Variants in SMAP1 observed in about 807,000 individuals in gnomAD.
SMAP1 encodes small ArfGAP 1.
Under a neutral mutation model 58.5 loss-of-function variants are expected in SMAP1, and 24 were observed. That is an observed-to-expected ratio of 0.41 (90% CI 0.30 to 0.58). SMAP1 has a LOEUF of 0.58. Among genes scored for constraint, SMAP1 ranks in the 20% least tolerant of loss-of-function variants. The pLI is 0.29. For missense variants in SMAP1, 563 were observed against 566.3 expected, an observed-to-expected ratio of 0.99 and a Z score of 0.06; for synonymous variants, 216 against 196.6, an observed-to-expected ratio of 1.10 and a Z score of -0.82.
At chr6:70,826,506 G>A (rs1318911991) in intron 6 of SMAP1, among the ~76,000 whole-genome samples, 1 of 151,984 alleles carries the variant, frequency 6.6e-6, no homozygotes, top group Non-Finnish European at 1.5e-5. Flanking sequence ...TCTCACACCT[G>A]TAATCCTAGC....
At chr6:70,841,013 C>T (rs117234195) in intron 7 of SMAP1, among the ~76,000 whole-genome samples, 3,565 of 152,226 alleles carry the variant, frequency 0.023, 52 homozygotes, top group Non-Finnish European at 0.037. Flanking sequence ...AGTGTCTATT[C>T]TTTGTTGTTT....
intron 1 of SMAP1, among the ~76,000 whole-genome samples, chr6:70,698,081 A>G (rs1260984104): frequency 3.3e-5 from 5 of 152,192 alleles, no homozygotes; most frequent in Non-Finnish European, 5.9e-5. Context: ...CATTTCTTAT[A>G]GGACATGTCT....
At chr6:70,702,212 TG>T (rs367809929) in intron 1 of SMAP1, among the ~76,000 whole-genome samples, 3,559 of 151,168 alleles carry the variant, frequency 0.024, 50 homozygotes, top group Non-Finnish European at 0.037. Flanking sequence ...GTTTCTTTTT[TG>T]GGGGGGGTTC....
At chr6:70,817,135 TA>T (rs1435829600) in intron 6 of SMAP1, among the ~76,000 whole-genome samples, 1,746 of 146,154 alleles carry the variant, frequency 0.012, 28 homozygotes, top group African/African-American at 0.041. Flanking sequence ...TATATATATA[TA>T]TATTTTTTTT....
intron 1 of SMAP1, among the ~76,000 whole-genome samples, chr6:70,728,659 A>G (rs951775602): frequency 5.3e-5 from 8 of 152,240 alleles, no homozygotes; most frequent in African/African-American, 1.4e-4. Context: ...GTAGATGCCT[A>G]TTGTGGCACA....
chr6:70,685,181 G>A (rs1189572725), intron 1 of SMAP1, among the ~76,000 whole-genome samples: 4 of 151,740 alleles, frequency 2.6e-5, no homozygotes, highest in Admixed American at 1.3e-4. Context: ...GGAAGCATTT[G>A]TGAATTATAT....
chr6:70,798,181 TAAAA>T (rs1005696754), intron 5 of SMAP1, among the ~76,000 whole-genome samples: 1 of 151,852 alleles, frequency 6.6e-6, no homozygotes, highest in Non-Finnish European at 1.5e-5. Flanking sequence ...TATTTTGTGA[TAAAA>T]AAAGCTGATT....
intron 3 of SMAP1, among the ~76,000 whole-genome samples, chr6:70,758,053 A>G (rs1157565498): frequency 6.6e-6 from 1 of 152,038 alleles, no homozygotes; most frequent in East Asian, 1.9e-4. Context: ...TCTTGCTGCT[A>G]TAAAGACACA....
Position 70,858,456 on chromosome 6 carries a change from G to A in SMAP1, c.1269+227G>A, listed in dbSNP as rs1168939913. The A allele has an allele frequency of 1.0e-5, 4 of 400,944 alleles. No homozygotes were observed. The East Asian group carries it at 1.4e-4, about 14-fold the overall frequency. The allele number at this position is 400,944 out of a possible 1,614,324, so 24.8% of individuals were successfully genotyped here. ...TTTTAGAGTATTCTGTAAAAAAAAG[G>A]TTAAACATCTTTCATTTCAAATTGT... On this transcript the variant is annotated intron_variant, in intron 10 of 10. Coordinates refer to ENST00000370455, the MANE Select transcript of SMAP1 (RefSeq NM_001044305.3).
At chr6:70,753,090 A>G (rs978711084) in intron 2 of SMAP1, among the ~76,000 whole-genome samples, 3 of 152,062 alleles carry the variant, frequency 2.0e-5, no homozygotes, top group Non-Finnish European at 4.4e-5. Flanking sequence ...GCTACATTAA[A>G]TAGATATGTA....
At chr6:70,707,690 C>T (rs555074275) in intron 1 of SMAP1, among the ~76,000 whole-genome samples, 77 of 152,252 alleles carry the variant, frequency 5.1e-4, no homozygotes, top group African/African-American at 1.6e-3. Flanking sequence ...ACTGCAACCT[C>T]CACCTCCTGT....
Position 70,859,540 on chromosome 6 carries a change from CTGAG to C in SMAP1, c.1270-657_1270-654del, listed in dbSNP as rs1447514119. ...ATTAAATTAAGAACACAGTCTAACT[CTGAG>C]TGTAAGTTTTAAACCCACTCACTAT... is the stretch of plus-strand genomic sequence containing the variant. On this transcript the variant is annotated intron_variant, in intron 10 of 10. Transcript: ENST00000370455. The C allele has an allele frequency of 1.3e-5, 8 of 620,490 alleles. No individual in the cohort carries two copies. The African/African-American group carries it at 1.3e-4, about 10-fold the overall frequency. The allele number at this position is 620,490 out of a possible 1,614,324, so 38.4% of individuals were successfully genotyped here.
At chr6:70,747,305 C>T (rs554392644) in intron 2 of SMAP1, among the ~76,000 whole-genome samples, 1 of 152,216 alleles carries the variant, frequency 6.6e-6, no homozygotes, top group Admixed American at 6.5e-5. Flanking sequence ...TGAACGCATA[C>T]CACAATGTGC....
chr6:70,732,260 G>A, intron 1 of SMAP1, 118 bp from the exon 2 acceptor site: 1 of 1,107,956 alleles, frequency 9.0e-7, no homozygotes, highest in Non-Finnish European at 1.2e-6. Flanking sequence ...ATTTGAGCAT[G>A]TGACTTCTGT....
At chr6:70,720,256 C>T (rs1768462015) in intron 1 of SMAP1, among the ~76,000 whole-genome samples, 1 of 152,162 alleles carries the variant, frequency 6.6e-6, no homozygotes, top group African/African-American at 2.4e-5. Context: ...TTTTAAGCCT[C>T]CAAAATGATC....
At chr6:70,794,631 C>T (rs190146165) in intron 5 of SMAP1, among the ~76,000 whole-genome samples, 1 of 152,232 alleles carries the variant, frequency 6.6e-6, no homozygotes. Flanking sequence ...CAGTTCCCAC[C>T]TATGAGTGGA....
At chr6:70,728,819 T>G (rs12201672) in intron 1 of SMAP1, among the ~76,000 whole-genome samples, 21,056 of 152,196 alleles carry the variant, frequency 0.14, 1,543 homozygotes, top group Middle Eastern at 0.23. Context: ...GAATTCAGAT[T>G]GGGTGAATTA....
rs375643390 is a variant in SMAP1, at chr6:70,717,023, A to G, written c.119-15355A>G. On this transcript the variant is annotated intron_variant, in intron 1 of 10. Coordinates refer to ENST00000370455, the MANE Select transcript of SMAP1 (RefSeq NM_001044305.3). ...ATGATTCTTACCAGTTAGGCCAGCC[A>G]GAGTTTCTAGGTACCTCTAAAATCT... is the stretch of plus-strand genomic sequence containing the variant. Among the ~76,000 whole-genome samples the G allele has an allele frequency of 9.8e-5, 15 of 152,292 alleles. No individual in the cohort carries two copies. In the East Asian group the frequency reaches 2.1e-3, roughly 22 times the overall value.
chr6:70,729,438 CA>C (rs71538438), intron 1 of SMAP1, among the ~76,000 whole-genome samples: 149 of 81,662 alleles, frequency 1.8e-3, no homozygotes, highest in African/African-American at 2.3e-3. Flanking sequence ...GACTCCGTCT[CA>C]AAAAAAAAAA....
Sources: allele counts gnomAD v4.1 joint callset (sites outside exome capture counted in the v4.1 genomes callset), GRCh38; gene constraint gnomAD v4.1.1; transcripts MANE v1.5; gene names NCBI Gene and HGNC (gene_info 2026-07-23, HGNC 2026-07-21).